The following CD109 variants were observed in gnomAD, a reference collection of about 807,000 sequenced individuals.
CD109 encodes CD109 antigen.
Under a neutral mutation model 165.8 loss-of-function variants are expected in CD109, and 149 were observed. The observed-to-expected ratio is 0.90, with a 90% CI of 0.79 to 1.03. The LOEUF (loss-of-function observed/expected upper bound fraction) is 1.03, where lower values mean the gene tolerates loss of function less well. Ranked by LOEUF, CD109 falls within the 50% of genes least tolerant of loss-of-function variation. The pLI is 0.00. For missense variants in CD109, 1,712 were observed against 1,677.8 expected, an observed-to-expected ratio of 1.02 and a Z score of -0.36; for synonymous variants, 585 against 592.1, an observed-to-expected ratio of 0.99 and a Z score of 0.18.
intron 25 of CD109, among the ~76,000 whole-genome samples, 172 bp downstream of exon 25, chr6:73,807,244 A>G (rs1775600403): frequency 6.6e-6 from 1 of 152,222 alleles, no homozygotes; most frequent in South Asian, 2.1e-4. Context: ...AAAATCTGAG[A>G]ATAAAACATT....
chr6:73,815,089 G>A lies in CD109; in HGVS notation c.3877G>A (p.Asp1293Asn). 1 of 1,589,152 alleles carries A rather than the reference G, an allele frequency of 6.3e-7. No homozygotes were observed. The highest frequency in any genetic ancestry group is 8.5e-7 in the Non-Finnish European group (1 of 1,171,958). ...TGTTGCTGTAAAAGAAAATAAAGAT[G>A]ATCTCAATCATGTGGATTTGAATGT... ...LDVAVKENKD[D>N]LNHVDLNVCT... is the part of the protein sequence containing the mutation. Residue 1293 changes from aspartate (D) to asparagine (N), a missense_variant, in exon 30 of 33, where the codon GAT (aspartate) becomes AAT (asparagine). By Grantham distance (23) the Asp-to-Asn change is conservative (BLOSUM62 1). Transcript: ENST00000287097.
Position 73,820,163 on chromosome 6 carries a change from C to T in CD109, c.4060-298C>T, listed in dbSNP as rs543498620. Among the ~76,000 whole-genome samples, 15 of 152,232 alleles carry T rather than the reference C, an allele frequency of 9.9e-5. No individual in the cohort carries two copies. In the East Asian group the frequency reaches 2.5e-3, roughly 25 times the overall value. ...TAGTAGTAACTGGGGGTGGGGTGCA[C>T]CATCTGAGACAGGAGATCTAGGTGC... On this transcript the variant is annotated intron_variant, in intron 31 of 32. Coordinates refer to ENST00000287097, the MANE Select transcript of CD109 (RefSeq NM_133493.5).
chr6:73,780,955 G>A (rs961797405), intron 16 of CD109, among the ~76,000 whole-genome samples: 1 of 150,272 alleles, frequency 6.7e-6, no homozygotes. Flanking sequence ...GTTTGAGAAA[G>A]ATCAATGTGT....
intron 24 of CD109, among the ~76,000 whole-genome samples, chr6:73,805,201 A>G (rs1775519001): frequency 6.6e-6 from 1 of 151,904 alleles, no homozygotes; most frequent in Admixed American, 6.6e-5. Flanking sequence ...GACATAGGAG[A>G]CTCCATTTTG....
the CD109 span, among the ~76,000 whole-genome samples, chr6:73,686,692 C>CTCTT: frequency 3.3e-5 from 5 of 152,060 alleles, no homozygotes; most frequent in Non-Finnish European, 7.4e-5. Flanking sequence ...TCAGTCCTCT[C>CTCTT]TCTTTCTTTC....
At chr6:73,689,947 TTC>T in the CD109 span, among the ~76,000 whole-genome samples, 1 of 152,228 alleles carries the variant, frequency 6.6e-6, no homozygotes, top group African/African-American at 2.4e-5. Flanking sequence ...AATTCTTTTA[TTC>T]TGTTATAAAT....
chr6:73,736,642 A>ATTT, intron 5 of CD109, 134 bp downstream of exon 5: 2 of 719,874 alleles, frequency 2.8e-6, no homozygotes, highest in South Asian at 5.0e-5. Flanking sequence ...TAAACGGTTT[A>ATTT]TTTTTAATTT....
intron 24 of CD109, among the ~76,000 whole-genome samples, chr6:73,804,836 C>T (rs1039289231): frequency 6.6e-6 from 1 of 152,190 alleles, no homozygotes; most frequent in Non-Finnish European, 1.5e-5. Context: ...ATTTAACTCT[C>T]TTGGACTGTC....
At chr6:73,819,626 C>T (rs1033946931) in intron 31 of CD109, among the ~76,000 whole-genome samples, 3 of 152,190 alleles carry the variant, frequency 2.0e-5, no homozygotes, top group African/African-American at 4.8e-5. Context: ...CACTTCAAAA[C>T]CACTTTGGTT....
Position 73,730,475 on chromosome 6 carries a change from C to G in CD109, c.408C>G (p.Asp136Glu), listed in dbSNP as rs1215087356. 1.9e-6 allele frequency: 3 copies of G among 1,613,690 alleles called. No homozygotes were observed. The highest frequency in any genetic ancestry group is 1.1e-5 in the South Asian group (1 of 91,076). The change falls in exon 4 of 33, where the codon GAC becomes GAG. Residue 136 changes from aspartate (D) to glutamate (E), a missense_variant. By Grantham distance (45) the Asp-to-Glu change is conservative. Coordinates refer to ENST00000287097, the MANE Select transcript of CD109 (RefSeq NM_133493.5). ...GAATATCTGTCTTCATTCAAACAGACAAGGCCTTATACAAGCCAAAGCAAG... is the reference window on the plus strand; with the variant it reads ...GAATATCTGTCTTCATTCAAACAGAGAAGGCCTTATACAAGCCAAAGCAAG... ...TKRISVFIQT[D>E]KALYKPKQEV...
intron 3 of CD109, among the ~76,000 whole-genome samples, chr6:73,724,728 C>G (rs1772073459): frequency 6.6e-6 from 1 of 151,862 alleles, no homozygotes; most frequent in Non-Finnish European, 1.5e-5. Flanking sequence ...ATCTTCTCAC[C>G]TCAGCCTCCC....
At chr6:73,714,185 C>G (rs75484299) in intron 2 of CD109, among the ~76,000 whole-genome samples, 2 of 152,130 alleles carry the variant, frequency 1.3e-5, no homozygotes, top group Non-Finnish European at 2.9e-5. Context: ...GGGCCCAGAT[C>G]GCTCTTTAGG....
intron 22 of CD109, among the ~76,000 whole-genome samples, chr6:73,791,876 T>G (rs1318686820): frequency 6.6e-6 from 1 of 152,190 alleles, no homozygotes; most frequent in Non-Finnish European, 1.5e-5. Flanking sequence ...GATCACATTT[T>G]CACTAGGTAT....
At chr6:73,748,232 G>A (rs1036603441) in intron 5 of CD109, among the ~76,000 whole-genome samples, 3 of 152,064 alleles carry the variant, frequency 2.0e-5, no homozygotes, top group African/African-American at 7.2e-5. Flanking sequence ...TAATCTCTCT[G>A]CATTTGGTTT....
intron 28 of CD109, among the ~76,000 whole-genome samples, chr6:73,811,941 A>G (rs1423113986): frequency 1.3e-5 from 2 of 152,178 alleles, no homozygotes; most frequent in Non-Finnish European, 2.9e-5. Context: ...CTTCAGCCCC[A>G]ACAGGAGGAC....
At chr6:73,742,633 A>G (rs1393642314) in intron 5 of CD109, among the ~76,000 whole-genome samples, 1 of 152,192 alleles carries the variant, frequency 6.6e-6, no homozygotes, top group East Asian at 1.9e-4. Context: ...AGTCACTGAG[A>G]GATTCCTGGT....
intron 18 of CD109, among the ~76,000 whole-genome samples, chr6:73,783,003 G>A (rs1181036161): frequency 6.6e-6 from 1 of 150,488 alleles, no homozygotes; most frequent in Non-Finnish European, 1.5e-5. Context: ...TAACTGAAGG[G>A]TGATTTTGAC....
chr6:73,803,087 A>G (rs992075660), intron 23 of CD109, 133 bp from the exon 24 acceptor site: 3 of 630,132 alleles, frequency 4.8e-6, no homozygotes, highest in African/African-American at 1.9e-5. Context: ...GAAAGTACTC[A>G]ATATTAGCTC....
intron 23 of CD109, among the ~76,000 whole-genome samples, chr6:73,797,406 T>C (rs973506530): frequency 2.0e-5 from 3 of 152,170 alleles, no homozygotes; most frequent in African/African-American, 7.2e-5. Flanking sequence ...ACACTATATT[T>C]CCTCCATTGA....
Sources: gnomAD v4.1 joint callset for allele counts (sites outside exome capture counted in the v4.1 genomes callset) on GRCh38, gnomAD v4.1.1 for gene constraint, MANE v1.5 for transcripts, NCBI Gene and HGNC (gene_info 2026-07-23, HGNC 2026-07-21) for gene names.